The following POU2F1 variants were observed in gnomAD, a reference collection of about 807,000 sequenced individuals.
POU2F1 encodes the protein POU domain, class 2, transcription factor 1.
In POU2F1, 16 loss-of-function variants were observed where a neutral mutation model predicts 84.9. The observed-to-expected ratio is 0.19, with a 90% CI of 0.13 to 0.29. The LOEUF is 0.29. Among genes scored for constraint, POU2F1 ranks in the 10% least tolerant of loss-of-function variants. POU2F1 has a pLI of 1.00. For missense variants in POU2F1, 738 were observed against 942.6 expected (o/e 0.78, Z 2.84); for synonymous variants, 368 against 368.3 (o/e 1.00, Z 0.01).
At chr1:167,223,936 T>C (rs537219619) in intron 1 of POU2F1, among the ~76,000 whole-genome samples, 1 of 152,362 alleles carries the variant, frequency 6.6e-6, no homozygotes, top group East Asian at 1.9e-4. Context: ...TTTATTGTCC[T>C]GAGGTGAAGT....
intron 2 of POU2F1, among the ~76,000 whole-genome samples, chr1:167,337,163 CAAAAG>C (rs1657522120): frequency 1.1e-5 from 1 of 93,604 alleles, no homozygotes. Flanking sequence ...AACTCCATCT[CAAAAG>C]AAAAAAAAAA....
intron 1 of POU2F1, among the ~76,000 whole-genome samples, chr1:167,329,469 A>G (rs950347193): frequency 5.9e-5 from 9 of 152,198 alleles, no homozygotes; most frequent in Non-Finnish European, 1.0e-4. Flanking sequence ...GCACAAGCTT[A>G]CTTGAATTTG....
chr1:167,263,964 G>A (rs1176713387), intron 1 of POU2F1, among the ~76,000 whole-genome samples: 1 of 152,198 alleles, frequency 6.6e-6, no homozygotes, highest in Non-Finnish European at 1.5e-5. Context: ...TAATTGCTAT[G>A]TGCCAGGTAT....
Position 167,370,176 on chromosome 1 carries a change from A to G in POU2F1, c.244A>G (p.Thr82Ala). 6.2e-7 allele frequency: 1 copy of G among 1,607,680 alleles called. No individual in the cohort carries two copies. Among genetic ancestry groups the G allele is most frequent in the South Asian group, 1.1e-5 (1 of 90,090 alleles). Residue 82 changes from threonine to alanine, a missense_variant, in exon 4 of 16, where the codon ACA becomes GCA. Transcript: ENST00000367866. The part of the protein sequence containing the change: ...GHLHQVQLAG[T>A]SLQAAAQSLN... The stretch of plus-strand genomic sequence containing the variant: ...TTACTTATAGGTCCAACTCGCTGGA[A>G]CAAGTTTACAGGCTGCTGCTCAGTC...
chr1:167,411,396 T>C (rs1649955741), intron 13 of POU2F1, among the ~76,000 whole-genome samples: 1 of 148,910 alleles, frequency 6.7e-6, no homozygotes, highest in Non-Finnish European at 1.5e-5. Context: ...CATAGTATCA[T>C]TGTATGTTGT....
intron 1 of POU2F1, chr1:167,257,782 T>C (rs577583375): frequency 6.6e-6 from 1 of 151,806 alleles, no homozygotes; most frequent in Non-Finnish European, 1.5e-5. Context: ...AGGTTTTTTT[T>C]TTTTTTTTTA....
intron 2 of POU2F1, among the ~76,000 whole-genome samples, chr1:167,342,443 G>T (rs1027482508): frequency 6.6e-6 from 1 of 151,996 alleles, no homozygotes; most frequent in Non-Finnish European, 1.5e-5. Flanking sequence ...TGCTATGGCT[G>T]GTATTAGGAC....
chr1:167,390,185 A>G (rs752895019), intron 9 of POU2F1, among the ~76,000 whole-genome samples: 41 of 152,188 alleles, frequency 2.7e-4, no homozygotes, highest in Non-Finnish European at 5.7e-4. Flanking sequence ...CTAAGATACA[A>G]TATGTTCCTC....
chr1:167,373,110 T>C (rs1042390125), intron 5 of POU2F1, among the ~76,000 whole-genome samples: 3 of 151,872 alleles, frequency 2.0e-5, no homozygotes, highest in African/African-American at 7.3e-5. Context: ...CCTTGAAGGG[T>C]ATTGAGTTTT....
intron 1 of POU2F1, among the ~76,000 whole-genome samples, chr1:167,269,615 T>G (rs1418723533): frequency 6.6e-6 from 1 of 152,190 alleles, no homozygotes; most frequent in Non-Finnish European, 1.5e-5. Context: ...TTTAATATGG[T>G]AAAGAGCAAG....
chr1:167,423,903 A>C lies in POU2F1; in HGVS notation c.*8093A>C, dbSNP rs1334383149. ...CTGGATACAGCGCTGTGTATAAATG[A>C]GACGTCCAAACACTTGAGTTTCTTA... On this transcript the variant is annotated 3_prime_UTR_variant, in exon 16 of 16. Coordinates refer to ENST00000367866, the MANE Select transcript of POU2F1 (RefSeq NM_002697.4). 3.3e-5 allele frequency: 5 copies of C among 152,274 alleles called. No individual in the cohort carries two copies. The highest frequency in any genetic ancestry group is 1.2e-4 in the African/African-American group (5 of 41,468). The allele number at this position is 152,274 out of a possible 1,614,324, so 9.4% of individuals were successfully genotyped here. A position where few individuals can be genotyped will look rare whatever the true frequency, so the allele number is the denominator to read the frequency against.
intron 1 of POU2F1, among the ~76,000 whole-genome samples, chr1:167,290,533 C>T (rs913789516): frequency 2.6e-5 from 4 of 152,226 alleles, no homozygotes; most frequent in African/African-American, 9.6e-5. Flanking sequence ...TCTGTCCTAA[C>T]TTGTCATCCA....
intron 2 of POU2F1, among the ~76,000 whole-genome samples, chr1:167,350,151 G>A (rs1658461240): frequency 6.6e-6 from 1 of 152,166 alleles, no homozygotes; most frequent in South Asian, 2.1e-4. Flanking sequence ...ATGATACTAA[G>A]TATTATTGGG....
chr1:167,298,646 T>TA (rs199506716), intron 1 of POU2F1, among the ~76,000 whole-genome samples: 2,228 of 152,330 alleles, frequency 0.015, 30 homozygotes, highest in Middle Eastern at 0.031. Flanking sequence ...ATTCAAAATA[T>TA]AATTTTAAGA....
chr1:167,259,341 A>G (rs1557851926), intron 1 of POU2F1, among the ~76,000 whole-genome samples: 1 of 152,218 alleles, frequency 6.6e-6, no homozygotes, highest in Admixed American at 6.5e-5. Flanking sequence ...GCACACTGCA[A>G]AATGGCATGG....
chr1:167,339,628 T>G (rs1256742781), intron 2 of POU2F1, among the ~76,000 whole-genome samples: 1 of 152,234 alleles, frequency 6.6e-6, no homozygotes, highest in Non-Finnish European at 1.5e-5. Flanking sequence ...CCTGGGTTCA[T>G]GCACTGACAC....
chr1:167,374,725 G>A (rs1376732018), intron 6 of POU2F1, among the ~76,000 whole-genome samples: 1 of 152,108 alleles, frequency 6.6e-6, no homozygotes, highest in Non-Finnish European at 1.5e-5. Context: ...AATGTTGTTT[G>A]GTTTCAATTT....
intron 2 of POU2F1, chr1:167,338,055 A>G: frequency 2.3e-6 from 1 of 443,812 alleles, no homozygotes; most frequent in South Asian, 1.6e-5. Flanking sequence ...TTTTAGACAA[A>G]TGAAAAAGCA....
chr1:167,323,986 C>T (rs1159888010), intron 1 of POU2F1, among the ~76,000 whole-genome samples: 1 of 152,044 alleles, frequency 6.6e-6, no homozygotes, highest in Admixed American at 6.5e-5. Context: ...AGTCACCGCA[C>T]CCAGCCTAAT....
Sources: allele counts gnomAD v4.1 joint callset (sites outside exome capture counted in the v4.1 genomes callset), GRCh38; gene constraint gnomAD v4.1.1; transcripts MANE v1.5; gene names NCBI Gene and HGNC (gene_info 2026-07-23, HGNC 2026-07-21).